Variants in ESRRG observed in about 807,000 individuals in gnomAD.
ESRRG encodes the protein estrogen related receptor gamma.
Under a neutral mutation model 44.0 loss-of-function variants are expected in ESRRG, and 13 were observed. That is an observed-to-expected ratio of 0.30 (90% CI 0.19 to 0.47). ESRRG has a LOEUF of 0.47. Among genes scored for constraint, ESRRG ranks in the 20% least tolerant of loss-of-function variants. The probability of loss-of-function intolerance (pLI) is 1.00; values close to 1 mark genes in which losing one functional copy is unlikely to be tolerated. For synonymous variants in ESRRG, 215 were observed against 214.6 expected (o/e 1.00, Z -0.02); for missense variants, 395 against 580.6 (o/e 0.68, Z 3.29).
intron 2 of ESRRG, among the ~76,000 whole-genome samples, chr1:216,870,978 A>T (rs1214243708): frequency 6.6e-6 from 1 of 151,794 alleles, no homozygotes; most frequent in Non-Finnish European, 1.5e-5. Flanking sequence ...TCTGATTTAA[A>T]CTATTAATTT....
chr1:217,136,631 A>T (rs1311328007), intron 1 of ESRRG, among the ~76,000 whole-genome samples: 1 of 152,110 alleles, frequency 6.6e-6, no homozygotes, highest in Non-Finnish European at 1.5e-5. Flanking sequence ...GACCCAACGG[A>T]TGGGATCTAC....
intron 2 of ESRRG, among the ~76,000 whole-genome samples, chr1:216,835,004 G>A (rs1559811264): frequency 6.6e-6 from 1 of 152,160 alleles, no homozygotes; most frequent in African/African-American, 2.4e-5. Context: ...ATAATCAGGG[G>A]GAGATCAGGC....
chr1:216,923,321 T>C (rs1439584889), intron 2 of ESRRG, among the ~76,000 whole-genome samples: 4 of 152,248 alleles, frequency 2.6e-5, no homozygotes, highest in Non-Finnish European at 5.9e-5. Context: ...TCTGCTTTCA[T>C]ACAAAGGCTT....
At chr1:216,771,587 C>A (rs147951528) in intron 2 of ESRRG, among the ~76,000 whole-genome samples, 154 of 151,984 alleles carry the variant, frequency 1.0e-3, no homozygotes, top group Non-Finnish European at 1.4e-3. Context: ...AAGATTCCTG[C>A]CATGGGAAAA....
In ESRRG at chr1:216,730,186, G is replaced by A. The variant is rs2088445385; in HGVS notation, c.-13-52695C>T. Reference sequence around the variant, plus strand: ...TATACTAGCGCATAGAACTCCGACAGAGATCTGACCTCTCTGAGGACACGT... The same window carrying A: ...TATACTAGCGCATAGAACTCCGACAAAGATCTGACCTCTCTGAGGACACGT... On this transcript the variant is annotated intron_variant, in intron 2 of 7. Coordinates refer to the ESRRG transcript ENST00000359162. Among the ~76,000 whole-genome samples the A allele has an allele frequency of 2.0e-5, 3 of 151,904 alleles. No homozygotes were observed. The South Asian group carries it at 6.2e-4, about 31-fold the overall frequency.
intron 1 of ESRRG, among the ~76,000 whole-genome samples, chr1:217,075,518 T>C (rs1485413389): frequency 1.3e-5 from 2 of 152,122 alleles, no homozygotes. Flanking sequence ...AAAAACAGCA[T>C]ATTTTTATTA....
At chr1:216,513,901 T>C (rs1035307404) in intron 6 of ESRRG, among the ~76,000 whole-genome samples, 1 of 152,128 alleles carries the variant, frequency 6.6e-6, no homozygotes, top group African/African-American at 2.4e-5. Flanking sequence ...TTTCAAAACA[T>C]CATAGATGAT....
chr1:216,897,310 T>A (rs1490288118), intron 2 of ESRRG, among the ~76,000 whole-genome samples: 3 of 152,190 alleles, frequency 2.0e-5, no homozygotes, highest in Non-Finnish European at 2.9e-5. Flanking sequence ...GGGTCAGTAG[T>A]TTCTCAAACA....
intron 3 of ESRRG, among the ~76,000 whole-genome samples, chr1:216,636,132 C>T (rs963922559): frequency 4.6e-5 from 7 of 152,254 alleles, no homozygotes; most frequent in South Asian, 2.1e-4. Flanking sequence ...CAGTAATTGG[C>T]GACTTAATAG....
chr1:216,697,090 C>T (rs1323543011), intron 1 of ESRRG, among the ~76,000 whole-genome samples: 1 of 151,960 alleles, frequency 6.6e-6, no homozygotes, highest in Non-Finnish European at 1.5e-5. Context: ...CTCAGCCTCC[C>T]AACTAGCTGG....
intron 1 of ESRRG, among the ~76,000 whole-genome samples, chr1:217,122,005 GA>G (rs1018680294): frequency 5.9e-5 from 9 of 152,158 alleles, no homozygotes; most frequent in African/African-American, 1.9e-4. Flanking sequence ...AGATAACCAC[GA>G]GTTAGGTTAA....
intron 1 of ESRRG, among the ~76,000 whole-genome samples, chr1:217,061,010 A>G (rs1393142487): frequency 6.6e-6 from 1 of 151,754 alleles, no homozygotes; most frequent in Non-Finnish European, 1.5e-5. Context: ...AGTATGTTAA[A>G]TATTTTTAGT....
intron 5 of ESRRG, among the ~76,000 whole-genome samples, chr1:216,558,156 A>G (rs17668665): frequency 0.12 from 18,319 of 152,198 alleles, 1,450 homozygotes; most frequent in Middle Eastern, 0.18. Flanking sequence ...AAACCTAGCT[A>G]CTTCTCTGTT....
At chr1:216,983,034 T>C (rs1237892143) in intron 1 of ESRRG, among the ~76,000 whole-genome samples, 1 of 21,256 alleles carries the variant, frequency 4.7e-5, no homozygotes, top group African/African-American at 2.1e-4. Flanking sequence ...TTGAACTGTT[T>C]TTTTTTTTTT....
intron 1 of ESRRG, among the ~76,000 whole-genome samples, chr1:217,121,502 T>C (rs2092819186): frequency 6.6e-6 from 1 of 152,136 alleles, no homozygotes; most frequent in South Asian, 2.1e-4. Flanking sequence ...CCTACAAGTC[T>C]ACGTGAGAGA....
chr1:217,054,997 TCA>T (rs2086799482), intron 1 of ESRRG, among the ~76,000 whole-genome samples: 1 of 152,160 alleles, frequency 6.6e-6, no homozygotes, highest in African/African-American at 2.4e-5. Flanking sequence ...AGAGGTGAAT[TCA>T]GTTTTTCCTG....
intron 2 of ESRRG, among the ~76,000 whole-genome samples, chr1:216,841,305 C>T (rs936084803): frequency 2.6e-5 from 4 of 152,086 alleles, no homozygotes; most frequent in African/African-American, 9.7e-5. Flanking sequence ...ACCCCGCAGG[C>T]CTTTTCCGTT....
At chr1:217,040,436 GC>G (rs1165268212) in intron 1 of ESRRG, among the ~76,000 whole-genome samples, 1 of 151,942 alleles carries the variant, frequency 6.6e-6, no homozygotes, top group Non-Finnish European at 1.5e-5. Context: ...TACATCACCT[GC>G]CCTTGGACTA....
intron 2 of ESRRG, among the ~76,000 whole-genome samples, chr1:216,673,770 C>T (rs992071103): frequency 3.3e-5 from 5 of 152,148 alleles, no homozygotes; most frequent in South Asian, 2.1e-4. Flanking sequence ...CAAAACATAC[C>T]GAAGACTCGA....
Sources: allele counts gnomAD v4.1 joint callset (sites outside exome capture counted in the v4.1 genomes callset), GRCh38; gene constraint gnomAD v4.1.1; transcripts MANE v1.5; gene names NCBI Gene and HGNC (gene_info 2026-07-23, HGNC 2026-07-21).